Variants in ADCY9 observed in about 807,000 individuals in gnomAD.
ADCY9 encodes the protein adenylate cyclase type 9.
In ADCY9, 50 loss-of-function variants were observed where a neutral mutation model predicts 101.5. The ratio of observed to expected loss-of-function variants is 0.49; its 90% CI spans 0.39 to 0.62. The LOEUF (loss-of-function observed/expected upper bound fraction) is 0.62. Ranked by LOEUF, ADCY9 falls within the 20% of genes least tolerant of loss-of-function variation. ADCY9 has a pLI of 0.00. For synonymous variants in ADCY9, 905 were observed against 769.3 expected (o/e 1.18, Z -2.92); for missense variants, 1,662 against 1,800.4 (o/e 0.92, Z 1.39).
At chr16:4,070,120 ATGTGTGTGTG>A (rs58833048) in intron 2 of ADCY9, among the ~76,000 whole-genome samples, 5 of 149,584 alleles carry the variant, frequency 3.3e-5, no homozygotes, top group African/African-American at 9.8e-5. Flanking sequence ...ATGTGTGTGT[ATGTGTGTGTG>A]TGTGTGTGTG....
intron 2 of ADCY9, among the ~76,000 whole-genome samples, chr16:4,042,758 G>C (rs1225782004): frequency 6.6e-6 from 1 of 152,212 alleles, no homozygotes; most frequent in African/African-American, 2.4e-5. Flanking sequence ...GGCGAACTCT[G>C]TGTTCCAAGA....
At chr16:4,055,075 G>A (rs1051007763) in intron 2 of ADCY9, among the ~76,000 whole-genome samples, 3 of 152,116 alleles carry the variant, frequency 2.0e-5, no homozygotes, top group South Asian at 2.1e-4. Context: ...GGGCCCCCGC[G>A]GAAGGGGAGG....
intron 2 of ADCY9, among the ~76,000 whole-genome samples, chr16:4,097,487 T>TATATATACATACACACACACACACAC (rs76750792): frequency 1.4e-5 from 1 of 72,508 alleles, no homozygotes; most frequent in Non-Finnish European, 2.7e-5. Context: ...TATATATATA[T>TATATATACATACACACACACACACAC]ACACACACAC....
downstream of ADCY9, among the ~76,000 whole-genome samples, chr16:3,961,384 A>G (rs554891261): frequency 1.3e-5 from 2 of 151,864 alleles, no homozygotes; most frequent in South Asian, 4.2e-4. Flanking sequence ...GGGCAGGTCA[A>G]GGCTGCAGTG....
At chr16:4,090,354 G>A (rs2056965520) in intron 2 of ADCY9, among the ~76,000 whole-genome samples, 1 of 152,008 alleles carries the variant, frequency 6.6e-6, no homozygotes, top group Non-Finnish European at 1.5e-5. Flanking sequence ...AAACACTACT[G>A]ATGTTCGGTA....
intron 2 of ADCY9, among the ~76,000 whole-genome samples, chr16:4,015,106 A>AT (rs545815695): frequency 6.6e-6 from 1 of 150,912 alleles, no homozygotes; most frequent in Non-Finnish European, 1.5e-5. Flanking sequence ...TGCCTGGCTA[A>AT]TTTTTTTTGT....
At chr16:4,073,634 G>A (rs1364279322) in intron 2 of ADCY9, among the ~76,000 whole-genome samples, 4 of 152,134 alleles carry the variant, frequency 2.6e-5, no homozygotes, top group African/African-American at 9.7e-5. Flanking sequence ...GACTGCAGGT[G>A]ATCCACCTAC....
At chr16:4,009,333 G>C (rs914478920) in intron 2 of ADCY9, among the ~76,000 whole-genome samples, 8 of 152,192 alleles carry the variant, frequency 5.3e-5, no homozygotes, top group African/African-American at 1.2e-4. Flanking sequence ...GCGCAGTGGT[G>C]CAACCATGGC....
At chr16:3,956,349 A>T (rs190375066) in intron 5 of ADCY9, among the ~76,000 whole-genome samples, 4 of 152,268 alleles carry the variant, frequency 2.6e-5, no homozygotes, top group East Asian at 1.9e-4. Context: ...AATGGCTTTT[A>T]AAAAACTACC....
At chr16:4,089,191 C>A (rs1489118289) in intron 2 of ADCY9, among the ~76,000 whole-genome samples, 2 of 152,006 alleles carry the variant, frequency 1.3e-5, no homozygotes, top group African/African-American at 4.8e-5. Context: ...CCTCCCGCCT[C>A]AGCCTCCCGA....
At chr16:4,104,471 G>A (rs2057063333) in intron 2 of ADCY9, among the ~76,000 whole-genome samples, 1 of 152,176 alleles carries the variant, frequency 6.6e-6, no homozygotes, top group African/African-American at 2.4e-5. Context: ...AATCAGCGGG[G>A]TGTGGTGGTG....
chr16:3,975,244 C>T lies in ADCY9; in HGVS notation c.2829-534G>A, dbSNP rs192261858. On this transcript the variant is annotated intron_variant, in intron 9 of 10. Transcript: ENST00000294016. ...TCGAGAAAGAGCTCATCGTGACCATCGTTCTAGATGGCCATACCTTCAGAA... is the reference window on the plus strand; with the variant it reads ...TCGAGAAAGAGCTCATCGTGACCATTGTTCTAGATGGCCATACCTTCAGAA... 3.7e-3 allele frequency among the ~76,000 whole-genome samples: 562 copies of T among 152,282 alleles called. 3 individuals carry two copies. Among genetic ancestry groups the T allele is most frequent in the Admixed American group, 4.3e-3 (66 of 15,292 alleles).
intron 9 of ADCY9, among the ~76,000 whole-genome samples, chr16:3,977,146 A>G (rs113827501): frequency 0.016 from 2,393 of 152,270 alleles, 66 homozygotes; most frequent in African/African-American, 0.054. Flanking sequence ...ACCATCTTCT[A>G]TGAAATCCTT....
chr16:4,103,935 A>T (rs1212544514), intron 2 of ADCY9, among the ~76,000 whole-genome samples: 1 of 152,214 alleles, frequency 6.6e-6, no homozygotes, highest in Non-Finnish European at 1.5e-5. Flanking sequence ...AGTCTGAGTG[A>T]TGAAATGAGA....
chr16:4,095,238 T>C (rs1439777687), intron 2 of ADCY9, among the ~76,000 whole-genome samples: 1 of 152,114 alleles, frequency 6.6e-6, no homozygotes, highest in African/African-American at 2.4e-5. Flanking sequence ...TGATCTCAGG[T>C]GATCCACATG....
chr16:4,005,566 T>C (rs1209342734), intron 3 of ADCY9, among the ~76,000 whole-genome samples: 1 of 152,116 alleles, frequency 6.6e-6, no homozygotes, highest in Non-Finnish European at 1.5e-5. Context: ...TCTCAGAAAC[T>C]TTCAACAATA....
At chr16:4,011,442 G>A (rs910523064) in intron 2 of ADCY9, among the ~76,000 whole-genome samples, 4 of 152,156 alleles carry the variant, frequency 2.6e-5, no homozygotes, top group Admixed American at 6.5e-5. Flanking sequence ...CCAGGGAGCC[G>A]GTGGAAATGC....
intron 2 of ADCY9, among the ~76,000 whole-genome samples, chr16:4,097,112 G>A (rs1329929448): frequency 3.9e-5 from 6 of 151,938 alleles, no homozygotes; most frequent in Admixed American, 2.6e-4. Flanking sequence ...GAACTAGGCC[G>A]TTCAACCCCA....
At position 3,983,355 on chromosome 16, in the gene ADCY9, A is replaced by G; in HGVS notation, c.2396T>C (p.Leu799Pro). 6.2e-7 allele frequency: 1 copy of G among 1,602,146 alleles called. No individual in the cohort carries two copies. The highest frequency in any genetic ancestry group is 8.5e-7 in the Non-Finnish European group (1 of 1,174,132). The change falls in exon 7 of 11, where the codon CTG becomes CCG. Residue 799 changes from leucine (L) to proline (P), a missense_variant. This residue lies in a region of ADCY9 where 624 missense variants were observed against 639.1 expected (regional missense o/e 0.98). Transcript: ENST00000294016. ...CAGGAAGCAGGTGGTGGACAGCGTC[A>G]GAAACACTGTGGTCGACAGAAACAC... ...LDVFLSTTVF[L>P]TLSTTCFLKY...
Sources: allele counts gnomAD v4.1 joint callset (sites outside exome capture counted in the v4.1 genomes callset), GRCh38; gene constraint gnomAD v4.1.1; regional missense constraint gnomAD v4.1.1; transcripts MANE v1.5; gene names NCBI Gene and HGNC (gene_info 2026-07-23, HGNC 2026-07-21).